The following MGST1 variants were observed in gnomAD, a reference collection of about 807,000 sequenced individuals.
The protein encoded by MGST1 is microsomal glutathione S-transferase 1.
In MGST1, 5 loss-of-function variants were observed where a neutral mutation model predicts 8.9. That is an observed-to-expected ratio of 0.56 (90% confidence interval 0.29 to 1.19). The LOEUF (loss-of-function observed/expected upper bound fraction) is 1.19. MGST1 is among the 50% of genes most tolerant of loss of function. The pLI, the probability that MGST1 is intolerant of heterozygous loss-of-function variation, is 0.08. For synonymous variants in MGST1, 54 were observed against 67.8 expected, an observed-to-expected ratio of 0.80 and a Z score of 1.00; for missense variants, 182 against 187.4, an observed-to-expected ratio of 0.97 and a Z score of 0.17.
intron 4 of MGST1, among the ~76,000 whole-genome samples, chr12:16,545,519 C>A (rs1300299919): frequency 6.6e-6 from 1 of 151,858 alleles, no homozygotes; most frequent in African/African-American, 2.4e-5. Flanking sequence ...GGAAGTAATA[C>A]CAAAGACAAA....
chr12:16,457,022 G>A (rs865955591), intron 4 of MGST1, among the ~76,000 whole-genome samples: 10 of 151,788 alleles, frequency 6.6e-5, no homozygotes, highest in Non-Finnish European at 8.8e-5. Flanking sequence ...TTGTCACTCC[G>A]TGCATAAAGG....
Position 16,500,667 on chromosome 12 carries a change from G to A in MGST1, n.483-88861G>A, listed in dbSNP as rs1405322535. Among the ~76,000 whole-genome samples the A allele has an allele frequency of 4.0e-5, 6 of 151,596 alleles. No individual in the cohort carries two copies. The highest frequency in any genetic ancestry group is 2.6e-4 in the Admixed American group (4 of 15,222). On this transcript the variant is annotated intron_variant and non_coding_transcript_variant, in intron 4 of 4. Coordinates refer to the MGST1 transcript ENST00000538857. This position sits in a 1 kb window ranked among gnomAD's most constrained non-coding sequence, Gnocchi z 4.3. ...GACTTAGAAGGCCTTTGCCCAGGAT[G>A]ATGTTTACACATAGCAGGTGCTCAA...
At chr12:16,493,267 C>A (rs1186097050) in intron 4 of MGST1, among the ~76,000 whole-genome samples, 1 of 152,138 alleles carries the variant, frequency 6.6e-6, no homozygotes, top group Non-Finnish European at 1.5e-5. Flanking sequence ...GATTTCTGGA[C>A]CTTTGGACTT....
intron 4 of MGST1, among the ~76,000 whole-genome samples, chr12:16,476,329 T>C (rs899118975): frequency 1.3e-5 from 2 of 151,990 alleles, no homozygotes; most frequent in Non-Finnish European, 2.9e-5. Flanking sequence ...TGCTCTGTTA[T>C]TTAAACTTAC....
chr12:16,479,322 C>T (rs1350885019), intron 4 of MGST1, among the ~76,000 whole-genome samples: 1 of 146,660 alleles, frequency 6.8e-6, no homozygotes, highest in South Asian at 2.1e-4. Flanking sequence ...GCAAGCTCCG[C>T]CTCCCGGGTT....
intron 1 of MGST1, among the ~76,000 whole-genome samples, chr12:16,417,880 G>A (rs1258672065): frequency 6.6e-6 from 1 of 152,236 alleles, no homozygotes; most frequent in Middle Eastern, 3.4e-3. Context: ...TACAAAAGCA[G>A]TAAAGCAAGT....
intron 1 of MGST1, among the ~76,000 whole-genome samples, chr12:16,426,681 G>A (rs11056937): frequency 0.03 from 4,498 of 152,240 alleles, 245 homozygotes; most frequent in African/African-American, 0.1. Context: ...GGCCGGGCGC[G>A]TGGCTCACGC....
Position 16,458,919 on chromosome 12 carries a change from G to A in MGST1, n.482+75315G>A, listed in dbSNP as rs776089469. The stretch of plus-strand genomic sequence containing the variant: ...ACCTATCCTGCTGAGCTGAGAGCAG[G>A]GAATTCTTACAGAAATCTAAGTAGT... On this transcript the variant is annotated intron_variant and non_coding_transcript_variant, in intron 4 of 4. Transcript: ENST00000538857. This position sits in a 1 kb window ranked among gnomAD's most constrained non-coding sequence, Gnocchi z 4.0. Among the ~76,000 whole-genome samples, 3 of 151,950 alleles carry A rather than the reference G, an allele frequency of 2.0e-5. No homozygotes were observed. The highest frequency in any genetic ancestry group is 2.9e-5 in the Non-Finnish European group (2 of 67,956).
intron 4 of MGST1, among the ~76,000 whole-genome samples, chr12:16,471,613 C>T (rs970054126): frequency 6.6e-6 from 1 of 152,118 alleles, no homozygotes; most frequent in Non-Finnish European, 1.5e-5. Context: ...TTAATTCTTG[C>T]TTGTACTTCA....
At chr12:16,443,499 G>A (rs1555103733), downstream of MGST1, among the ~76,000 whole-genome samples, 2 of 149,244 alleles carry the variant, frequency 1.3e-5, no homozygotes, top group Non-Finnish European at 3.0e-5. Flanking sequence ...CTCTTTTTTT[G>A]TTATAACTTT....
At chr12:16,474,287 T>C (rs1002023724) in intron 4 of MGST1, among the ~76,000 whole-genome samples, 2 of 152,222 alleles carry the variant, frequency 1.3e-5, no homozygotes, top group East Asian at 3.8e-4. Context: ...TGTAAAAGTG[T>C]GTTTGCAGCT....
intron 4 of MGST1, among the ~76,000 whole-genome samples, chr12:16,561,757 T>C (rs1591778539): frequency 1.3e-5 from 2 of 152,204 alleles, no homozygotes; most frequent in African/African-American, 4.8e-5. Flanking sequence ...TGGAAACAGT[T>C]GTGAGAATGG....
chr12:16,518,069 G>A (rs142645781), intron 4 of MGST1, among the ~76,000 whole-genome samples: 3 of 152,274 alleles, frequency 2.0e-5, no homozygotes, highest in East Asian at 3.9e-4. Context: ...TGACCACAAC[G>A]CATCCATGTG....
chr12:16,589,753 G>A (rs562073612), downstream of MGST1, among the ~76,000 whole-genome samples: 5 of 152,174 alleles, frequency 3.3e-5, no homozygotes, highest in South Asian at 8.3e-4. This position sits in a 1 kb window ranked among gnomAD's most constrained non-coding sequence, Gnocchi z 4.2. Context: ...GGATCACCAA[G>A]TGATTAGGAA....
intron 4 of MGST1, among the ~76,000 whole-genome samples, chr12:16,580,677 T>C (rs1465800810): frequency 1.3e-5 from 2 of 152,164 alleles, no homozygotes; most frequent in Non-Finnish European, 2.9e-5. Context: ...TGATAAAAAA[T>C]ACATACATGT....
At chr12:16,444,280 T>C (rs144533472) in intron 4 of MGST1, among the ~76,000 whole-genome samples, 1 of 151,640 alleles carries the variant, frequency 6.6e-6, no homozygotes, top group Non-Finnish European at 1.5e-5. Context: ...CTTTATACTT[T>C]ATACAAAATC....
intron 4 of MGST1, among the ~76,000 whole-genome samples, chr12:16,580,164 C>G (rs1943116073): frequency 6.6e-6 from 1 of 152,156 alleles, no homozygotes; most frequent in East Asian, 1.9e-4. Flanking sequence ...TGGGATCTCT[C>G]TATGTTGCCC....
chr12:16,525,310 A>C (rs1450318510), intron 4 of MGST1, among the ~76,000 whole-genome samples: 1 of 109,626 alleles, frequency 9.1e-6, no homozygotes, highest in Non-Finnish European at 1.8e-5. Context: ...CCCACCCCAC[A>C]ACAGTCCCCA....
Position 16,478,490 on chromosome 12 carries a change from C to G in MGST1, n.482+94886C>G, listed in dbSNP as rs567339738. On this transcript the variant is annotated intron_variant and non_coding_transcript_variant, in intron 4 of 4. Coordinates refer to the MGST1 transcript ENST00000538857. ...TTTGTAGTTATACTTTGCACTGCCA[C>G]TTTTCCAAACCTATGTGATTCTTTC... Among the ~76,000 whole-genome samples, 12 of 152,280 alleles carry G rather than the reference C, an allele frequency of 7.9e-5. No homozygotes were observed. In the South Asian group the frequency reaches 2.5e-3, roughly 32 times the overall value.
Sources: allele counts gnomAD v4.1 joint callset (sites outside exome capture counted in the v4.1 genomes callset), GRCh38; gene constraint gnomAD v4.1.1; non-coding constraint Gnocchi (gnomAD v3.1); transcripts MANE v1.5; gene names NCBI Gene and HGNC (gene_info 2026-07-23, HGNC 2026-07-21).